LRMDA: variants seen among roughly 807,000 people sequenced by gnomAD.
The protein encoded by LRMDA is leucine rich melanocyte differentiation associated.
LRMDA carries 18 observed loss-of-function variants against 29.8 expected under a neutral mutation model. That is an observed-to-expected ratio of 0.60 (90% confidence interval 0.42 to 0.90). The LOEUF is 0.90. Ranked by LOEUF, LRMDA falls within the 40% of genes least tolerant of loss-of-function variation. LRMDA has a pLI of 0.00. For synonymous variants in LRMDA, 125 were observed against 109.4 expected (o/e 1.14, Z -0.89); for missense variants, 273 against 273.9 (o/e 1.00, Z 0.02).
chr10:76,177,009 A>G (rs1850948725), intron 5 of LRMDA, among the ~76,000 whole-genome samples: 2 of 152,178 alleles, frequency 1.3e-5, no homozygotes, highest in Non-Finnish European at 2.9e-5. Flanking sequence ...AGTCTTCCAG[A>G]GCACAGGACC....
intron 2 of LRMDA, among the ~76,000 whole-genome samples, chr10:75,688,358 G>A (rs1842107097): frequency 6.6e-6 from 1 of 152,302 alleles, no homozygotes. Flanking sequence ...TAAACCTCAT[G>A]GGTGACTTTG....
In LRMDA at chr10:76,261,691, G is replaced by A. The variant is rs563518995; in HGVS notation, c.517-62710G>A. ...GCAACACACATGCCTTCAATAATGG[G>A]TCTGCAAGTTGAACTTTAAATATTT... On this transcript the variant is annotated intron_variant, in intron 5 of 6. Coordinates refer to ENST00000611255, the MANE Select transcript of LRMDA (RefSeq NM_001305581.2). Among the ~76,000 whole-genome samples, 35 of 152,278 alleles carry A rather than the reference G, an allele frequency of 2.3e-4. No individual in the cohort carries two copies. The South Asian group carries it at 5.6e-3, about 24-fold the overall frequency.
At chr10:75,696,064 A>T (rs1843398102) in intron 2 of LRMDA, among the ~76,000 whole-genome samples, 1 of 152,220 alleles carries the variant, frequency 6.6e-6, no homozygotes, top group South Asian at 2.1e-4. Flanking sequence ...ACCCAAAAAG[A>T]TAAGAGTGTT....
chr10:75,735,671 T>C (rs2132203924), intron 2 of LRMDA, among the ~76,000 whole-genome samples: 1 of 152,252 alleles, frequency 6.6e-6, no homozygotes, highest in Non-Finnish European at 1.5e-5. Context: ...CCAGAGTACA[T>C]GTTTCAGATT....
At chr10:75,914,151 T>C (rs1418285174) in intron 2 of LRMDA, among the ~76,000 whole-genome samples, 3 of 152,184 alleles carry the variant, frequency 2.0e-5, no homozygotes, top group African/African-American at 7.2e-5. Flanking sequence ...TTTTCCTCCT[T>C]CTTCTCAAAA....
intron 2 of LRMDA, among the ~76,000 whole-genome samples, chr10:75,803,961 C>T (rs1843801629): frequency 1.3e-5 from 2 of 152,212 alleles, no homozygotes; most frequent in Non-Finnish European, 2.9e-5. Context: ...TCAAAGATAG[C>T]GTGGCCTTTG....
chr10:75,923,980 A>G (rs1846072834), intron 2 of LRMDA, among the ~76,000 whole-genome samples: 1 of 152,184 alleles, frequency 6.6e-6, no homozygotes, highest in Non-Finnish European at 1.5e-5. Flanking sequence ...ATTATCATCA[A>G]ATTTATGTCA....
chr10:76,075,808 T>A (rs910279749), intron 5 of LRMDA, among the ~76,000 whole-genome samples: 1 of 152,218 alleles, frequency 6.6e-6, no homozygotes, highest in Non-Finnish European at 1.5e-5. Flanking sequence ...AGGGGTCCAG[T>A]ATCTGGCCTA....
At chr10:76,129,682 TGTGGG>T (rs1849950780) in intron 5 of LRMDA, among the ~76,000 whole-genome samples, 1 of 152,146 alleles carries the variant, frequency 6.6e-6, no homozygotes, top group Admixed American at 6.6e-5. Context: ...CTCTTCTCAG[TGTGGG>T]GTTCCACAGT....
chr10:75,560,077 T>A (rs993449928), intron 2 of LRMDA, among the ~76,000 whole-genome samples: 7 of 151,666 alleles, frequency 4.6e-5, no homozygotes, highest in African/African-American at 1.7e-4. Flanking sequence ...AAGAAAGTCA[T>A]TGGTAGCTTT....
chr10:75,981,829 C>T (rs1847176438), intron 2 of LRMDA, among the ~76,000 whole-genome samples: 2 of 133,968 alleles, frequency 1.5e-5, no homozygotes, highest in South Asian at 5.0e-4. Context: ...TCCGGCCTGG[C>T]GACAGAGCAA....
intron 2 of LRMDA, among the ~76,000 whole-genome samples, chr10:75,993,240 C>A (rs1847402496): frequency 6.6e-6 from 1 of 152,030 alleles, no homozygotes; most frequent in African/African-American, 2.4e-5. Flanking sequence ...GGAAAGGGGT[C>A]CCAGAAGGAT....
intron 5 of LRMDA, among the ~76,000 whole-genome samples, chr10:76,143,190 C>T (rs528148063): frequency 2.2e-3 from 331 of 152,258 alleles, no homozygotes; most frequent in African/African-American, 7.3e-3. Context: ...GATTTATTAT[C>T]CTTTGGGTAT....
intron 2 of LRMDA, among the ~76,000 whole-genome samples, chr10:75,885,500 G>A (rs1251837602): frequency 6.6e-6 from 1 of 152,200 alleles, no homozygotes; most frequent in Non-Finnish European, 1.5e-5. Flanking sequence ...AGGAGGCCCA[G>A]TTATAGAAGC....
At chr10:75,734,982 C>T (rs149030189) in intron 2 of LRMDA, among the ~76,000 whole-genome samples, 9 of 152,298 alleles carry the variant, frequency 5.9e-5, no homozygotes, top group Non-Finnish European at 1.0e-4. Context: ...TTGCCGCTAC[C>T]CCTTTTAGCA....
chr10:75,971,552 A>C (rs1158665140), intron 2 of LRMDA, among the ~76,000 whole-genome samples: 1 of 152,196 alleles, frequency 6.6e-6, no homozygotes, highest in Admixed American at 6.5e-5. Context: ...TCCAAGTGTT[A>C]CATCAATCAG....
intron 2 of LRMDA, among the ~76,000 whole-genome samples, chr10:75,978,903 A>C (rs1197354888): frequency 6.6e-6 from 1 of 152,228 alleles, no homozygotes; most frequent in South Asian, 2.1e-4. Context: ...AAATGCCGGC[A>C]TATAGAGATG....
rs899146177 is a variant in LRMDA, at chr10:75,755,068, G to GT, written c.132-280933dup. Among the ~76,000 whole-genome samples the GT allele has an allele frequency of 4.0e-5, 6 of 148,762 alleles. No homozygotes were observed. The South Asian group carries it at 1.1e-3, about 27-fold the overall frequency. On this transcript the variant is annotated intron_variant, in intron 2 of 6. Coordinates refer to ENST00000611255, the MANE Select transcript of LRMDA (RefSeq NM_001305581.2). ...TTTTTTTTTTTGTTTGTTTTGTTTT[G>GT]TTTTTTTAAACTTTTGGCTGCTTTC... is the stretch of plus-strand genomic sequence containing the variant.
intron 6 of LRMDA, among the ~76,000 whole-genome samples, chr10:76,378,624 C>T (rs535552797): frequency 5.9e-4 from 90 of 151,726 alleles, no homozygotes; most frequent in South Asian, 1.9e-3. Context: ...TTTTTTTCTA[C>T]GTCTATTGAG....
Sources: gnomAD v4.1 joint callset for allele counts (sites outside exome capture counted in the v4.1 genomes callset) on GRCh38, gnomAD v4.1.1 for gene constraint, MANE v1.5 for transcripts, NCBI Gene and HGNC (gene_info 2026-07-23, HGNC 2026-07-21) for gene names.